TACR3: variants seen among roughly 807,000 people sequenced by gnomAD.
TACR3 encodes the protein tachykinin receptor 3, also known as neuromedin-K receptor.
Under a neutral mutation model 35.0 loss-of-function variants are expected in TACR3, and 34 were observed. The observed-to-expected ratio is 0.97, with a 90% CI of 0.74 to 1.30. TACR3 has a LOEUF of 1.30. Among genes scored for constraint, TACR3 ranks in the 50% most tolerant of loss-of-function variants. TACR3 has a pLI of 0.00. For missense variants in TACR3, 558 were observed against 591.7 expected, an observed-to-expected ratio of 0.94 and a Z score of 0.59; for synonymous variants, 233 against 221.1, an observed-to-expected ratio of 1.05 and a Z score of -0.48.
chr4:103,689,709 T>G (rs1476063934), intron 1 of TACR3, among the ~76,000 whole-genome samples: 1 of 151,984 alleles, frequency 6.6e-6, no homozygotes, highest in Non-Finnish European at 1.5e-5. Flanking sequence ...GAGACTCTAT[T>G]AAATATACAA....
intron 1 of TACR3, among the ~76,000 whole-genome samples, chr4:103,661,527 G>C (rs1238738260): frequency 6.6e-6 from 1 of 152,112 alleles, no homozygotes; most frequent in African/African-American, 2.4e-5. Flanking sequence ...GATTTTCTGA[G>C]AGTAAAGGGA....
At chr4:103,656,508 CTT>C (rs913797688) in intron 2 of TACR3, among the ~76,000 whole-genome samples, 164 bp from the exon 3 acceptor site, 3 of 152,058 alleles carry the variant, frequency 2.0e-5, no homozygotes, top group African/African-American at 7.2e-5. Context: ...GCTATTGTCA[CTT>C]ATATTTATGT....
At chr4:103,699,324 T>TA (rs1722595261) in intron 1 of TACR3, among the ~76,000 whole-genome samples, 1 of 152,112 alleles carries the variant, frequency 6.6e-6, no homozygotes. Flanking sequence ...AGTATGCTGA[T>TA]AAAATGAAGG....
At chr4:103,689,868 G>T (rs760887092) in intron 1 of TACR3, among the ~76,000 whole-genome samples, 1 of 152,042 alleles carries the variant, frequency 6.6e-6, no homozygotes, top group Non-Finnish European at 1.5e-5. Context: ...TATGATAAAT[G>T]CAAAGATCTG....
rs1723839412 is a variant in TACR3, at chr4:103,589,299, TA to T, written c.*382del. On this transcript the variant is annotated 3_prime_UTR_variant, in exon 5 of 5. Coordinates refer to ENST00000304883, the MANE Select transcript of TACR3 (RefSeq NM_001059.3). ...TATACAGATTTTGTTTCCCTTCACT[TA>T]CAATATTATGTTTTAAAGATTCTTT... is the stretch of plus-strand genomic sequence containing the variant. The T allele has an allele frequency of 5.8e-6, 1 of 172,240 alleles. No individual in the cohort carries two copies. The highest frequency in any genetic ancestry group is 1.3e-5 in the Non-Finnish European group (1 of 78,682). The allele number at this position is 172,240 out of a possible 1,614,324, so 10.7% of individuals were successfully genotyped here. A position where few individuals can be genotyped will look rare whatever the true frequency, so the allele number is the denominator to read the frequency against.
chr4:103,596,210 T>C (rs4698900), intron 3 of TACR3, among the ~76,000 whole-genome samples: 93,269 of 149,450 alleles, frequency 0.62, 29,409 homozygotes, highest in Non-Finnish European at 0.64. Flanking sequence ...GCAATAAACA[T>C]ACGTGTGCAT....
At chr4:103,696,965 A>G (rs902146949) in intron 1 of TACR3, among the ~76,000 whole-genome samples, 3 of 152,150 alleles carry the variant, frequency 2.0e-5, no homozygotes, top group Non-Finnish European at 4.4e-5. Flanking sequence ...CCAGGCTGGT[A>G]TGCAGTGGTG....
intron 1 of TACR3, among the ~76,000 whole-genome samples, chr4:103,711,059 A>T (rs1369515834): frequency 6.6e-6 from 1 of 152,188 alleles, no homozygotes; most frequent in Non-Finnish European, 1.5e-5. Context: ...ATTCTACCAG[A>T]GGTACAAGGA....
chr4:103,591,830 T>C, intron 3 of TACR3, 147 bp from the exon 4 acceptor site: 1 of 805,016 alleles, frequency 1.2e-6, no homozygotes, highest in Non-Finnish European at 2.0e-6. Context: ...TGAAGCAATA[T>C]ACGGACAGTT....
At position 103,656,820 on chromosome 4, in the gene TACR3, A is replaced by G. The variant is rs184567397; in HGVS notation, c.738-476T>C. Reference sequence around the variant, plus strand: ...AACTGTTTTTCATTCAAATGGTGGGAAAAAAGTAAGTAGATACTCTGAGCC... The same window carrying G: ...AACTGTTTTTCATTCAAATGGTGGGGAAAAAGTAAGTAGATACTCTGAGCC... On this transcript the variant is annotated intron_variant, in intron 2 of 4. Transcript: ENST00000304883. Among the ~76,000 whole-genome samples the G allele has an allele frequency of 2.4e-4, 36 of 152,204 alleles. No individual in the cohort carries two copies. In the East Asian group the frequency reaches 7.0e-3, roughly 29 times the overall value.
chr4:103,682,828 G>T (rs1722130146), intron 1 of TACR3, among the ~76,000 whole-genome samples: 1 of 152,112 alleles, frequency 6.6e-6, no homozygotes, highest in Non-Finnish European at 1.5e-5. Context: ...TCTCTCTAAG[G>T]TTATGGGAGA....
intron 3 of TACR3, among the ~76,000 whole-genome samples, chr4:103,614,839 A>ATAT (rs547755540): frequency 6.7e-6 from 1 of 149,060 alleles, no homozygotes; most frequent in African/African-American, 2.5e-5. Flanking sequence ...ATTTATAATC[A>ATAT]TATTTTAAAT....
intron 1 of TACR3, among the ~76,000 whole-genome samples, chr4:103,700,917 C>T (rs1004469888): frequency 6.6e-6 from 1 of 152,002 alleles, no homozygotes; most frequent in South Asian, 2.1e-4. Context: ...TAAGAGCTAT[C>T]TATGACAAAC....
intron 3 of TACR3, among the ~76,000 whole-genome samples, chr4:103,626,687 C>T (rs191282830): frequency 6.6e-4 from 100 of 152,042 alleles, no homozygotes; most frequent in African/African-American, 1.8e-3. Flanking sequence ...TAGTTTTCTC[C>T]GGTATGAAAG....
intron 3 of TACR3, among the ~76,000 whole-genome samples, chr4:103,627,007 T>C (rs2110307905): frequency 6.8e-6 from 1 of 147,348 alleles, no homozygotes; most frequent in South Asian, 2.2e-4. Context: ...ACCCCATCTC[T>C]GTGAAAAATA....
chr4:103,713,095 T>C (rs1342546901), intron 1 of TACR3, among the ~76,000 whole-genome samples: 2 of 152,028 alleles, frequency 1.3e-5, no homozygotes. Context: ...TAACTAGAAA[T>C]ACCATTTGAC....
chr4:103,718,394 C>T (rs1389044059), intron 1 of TACR3, among the ~76,000 whole-genome samples: 7 of 152,142 alleles, frequency 4.6e-5, no homozygotes, highest in Non-Finnish European at 5.9e-5. Flanking sequence ...CCACAAATAC[C>T]TATACTTCAT....
At chr4:103,635,441 C>A (rs1725166066) in intron 3 of TACR3, among the ~76,000 whole-genome samples, 1 of 151,914 alleles carries the variant, frequency 6.6e-6, no homozygotes. Flanking sequence ...CCCACCCCTA[C>A]CCCTGTGCAA....
At chr4:103,607,546 G>A (rs1724409144) in intron 3 of TACR3, among the ~76,000 whole-genome samples, 1 of 152,096 alleles carries the variant, frequency 6.6e-6, no homozygotes, top group East Asian at 1.9e-4. Context: ...CTAGCAGGCT[G>A]GATGTTTGGA....
Sources: gnomAD v4.1 joint callset for allele counts (sites outside exome capture counted in the v4.1 genomes callset) on GRCh38, gnomAD v4.1.1 for gene constraint, MANE v1.5 for transcripts, NCBI Gene and HGNC (gene_info 2026-07-23, HGNC 2026-07-21) for gene names.